NUBPL: variants seen among roughly 807,000 people sequenced by gnomAD.
NUBPL encodes NUBP iron-sulfur cluster assembly factor, mitochondrial, also known as iron-sulfur cluster transfer protein NUBPL.
A neutral mutation model predicts 45.7 loss-of-function variants in NUBPL; 31 were observed. The ratio of observed to expected loss-of-function variants is 0.68; its 90% CI spans 0.51 to 0.92. The LOEUF is 0.92. Ranked by LOEUF, NUBPL falls within the 40% of genes least tolerant of loss-of-function variation. The pLI is 0.00. For missense variants in NUBPL, 401 were observed against 398.7 expected (o/e 1.01, Z -0.05); for synonymous variants, 144 against 140.9 (o/e 1.02, Z -0.15).
At chr14:31,626,471 CATAT>C (rs1487363650) in intron 4 of NUBPL, among the ~76,000 whole-genome samples, 1 of 152,202 alleles carries the variant, frequency 6.6e-6, no homozygotes, top group Admixed American at 6.5e-5. Context: ...GCCTCACAGA[CATAT>C]AATCTCTGTA....
chr14:31,561,452 CA>C lies in NUBPL; in HGVS notation c.14del (p.Gln5ArgfsTer41). 7.1e-7 allele frequency: 1 copy of C among 1,415,698 alleles called. No homozygotes were observed. The highest frequency in any genetic ancestry group is 9.3e-7 in the Non-Finnish European group (1 of 1,074,858). The allele number at this position is 1,415,698 out of a possible 1,614,324, so 87.7% of individuals were successfully genotyped here. A position where few individuals can be genotyped will look rare whatever the true frequency, so the allele number is the denominator to read the frequency against. ...AGCGTTCCGCGTCATGGGGATTTGG[CA>C]GCGTCTGCTGCTTTTTGGTGGGGTG... is the stretch of plus-strand genomic sequence containing the variant. MGIW[Q>X]RLLLFGGVSL... On this transcript the variant is annotated frameshift_variant, in exon 1 of 11. Transcript: ENST00000281081. LOFTEE classifies it high-confidence loss of function.
At chr14:31,729,288 CA>C (rs35016391) in intron 6 of NUBPL, among the ~76,000 whole-genome samples, 52 of 132,784 alleles carry the variant, frequency 3.9e-4, no homozygotes, top group African/African-American at 7.8e-4. Flanking sequence ...CCCCCCCCCC[CA>C]AAAAAAAAGT....
At chr14:31,739,043 C>T (rs1166633518) in intron 6 of NUBPL, among the ~76,000 whole-genome samples, 2 of 151,116 alleles carry the variant, frequency 1.3e-5, no homozygotes, top group Non-Finnish European at 3.0e-5. Flanking sequence ...GATGGAGTCT[C>T]ATTCTTGTCA....
intron 4 of NUBPL, among the ~76,000 whole-genome samples, chr14:31,671,965 C>T (rs1278157184): frequency 2.0e-5 from 3 of 152,002 alleles, no homozygotes; most frequent in African/African-American, 7.3e-5. Context: ...ACTTTTTGCC[C>T]AATACTTGTC....
rs562838939 is a variant in NUBPL at position 31,584,375 on chromosome 14, T to G, written c.292-14914T>G. On this transcript the variant is annotated intron_variant, in intron 3 of 10. Coordinates refer to ENST00000281081, the MANE Select transcript of NUBPL (RefSeq NM_025152.3). ...CTTGGGCTCAAGTGATCCTCCCACC[T>G]TGGCCTCCCAAAGTGCTGGGATTAT... Among the ~76,000 whole-genome samples the G allele has an allele frequency of 2.0e-5, 3 of 152,286 alleles. No homozygotes were observed. The South Asian group carries it at 6.2e-4, about 32-fold the overall frequency.
intron 3 of NUBPL, among the ~76,000 whole-genome samples, chr14:31,570,983 T>A (rs898876832): frequency 6.6e-6 from 1 of 152,230 alleles, no homozygotes; most frequent in Non-Finnish European, 1.5e-5. Flanking sequence ...TTTGCTGATA[T>A]TCAATATCCT....
chr14:31,744,704 C>T (rs2038358270), intron 6 of NUBPL, among the ~76,000 whole-genome samples: 1 of 150,574 alleles, frequency 6.6e-6, no homozygotes, highest in Admixed American at 6.6e-5. Context: ...TCACTGCAAC[C>T]TCCGCCTCCT....
chr14:31,817,356 A>G (rs886545811), intron 7 of NUBPL, among the ~76,000 whole-genome samples: 1 of 152,144 alleles, frequency 6.6e-6, no homozygotes, highest in African/African-American at 2.4e-5. Flanking sequence ...TGAGAAGAGC[A>G]ACCCCAAGAC....
At chr14:31,704,727 TA>T (rs1240311147) in intron 6 of NUBPL, among the ~76,000 whole-genome samples, 1 of 152,166 alleles carries the variant, frequency 6.6e-6, no homozygotes, top group Admixed American at 6.5e-5. Flanking sequence ...TCTCACTTGT[TA>T]AAGATGTTGG....
At chr14:31,675,484 T>C (rs1405739571) in intron 6 of NUBPL, among the ~76,000 whole-genome samples, 2 of 152,374 alleles carry the variant, frequency 1.3e-5, no homozygotes, top group African/African-American at 4.8e-5. Context: ...ATAGAACTTT[T>C]GTACCTGATT....
chr14:31,648,245 A>G (rs768123798), intron 4 of NUBPL, among the ~76,000 whole-genome samples: 14 of 152,230 alleles, frequency 9.2e-5, no homozygotes, highest in Non-Finnish European at 1.5e-4. Context: ...CAGGCAATTA[A>G]AAGTTGTATT....
intron 8 of NUBPL, among the ~76,000 whole-genome samples, chr14:31,830,479 A>T (rs772162640): frequency 4.6e-5 from 7 of 152,178 alleles, no homozygotes; most frequent in Non-Finnish European, 1.0e-4. Context: ...AATTTTACAC[A>T]TCCTGGTCCT....
At chr14:31,588,384 T>G (rs909762802) in intron 3 of NUBPL, among the ~76,000 whole-genome samples, 2 of 151,116 alleles carry the variant, frequency 1.3e-5, no homozygotes, top group Non-Finnish European at 2.9e-5. Flanking sequence ...CTCTATAATC[T>G]TCACAAAAAT....
At chr14:31,581,450 T>C (rs1471253994) in intron 3 of NUBPL, among the ~76,000 whole-genome samples, 1 of 152,218 alleles carries the variant, frequency 6.6e-6, no homozygotes, top group Non-Finnish European at 1.5e-5. Flanking sequence ...TGAATTTGAC[T>C]GTTCCAACTC....
chr14:31,569,939 A>T (rs983644254), intron 3 of NUBPL, among the ~76,000 whole-genome samples: 3 of 152,122 alleles, frequency 2.0e-5, no homozygotes, highest in Admixed American at 2.0e-4. Context: ...TTTACGGCAA[A>T]AATTTGATGC....
intron 4 of NUBPL, among the ~76,000 whole-genome samples, chr14:31,630,257 C>T (rs542512281): frequency 6.6e-6 from 1 of 152,190 alleles, no homozygotes; most frequent in South Asian, 2.1e-4. Flanking sequence ...TGTACTATTA[C>T]CTTTGTGTTT....
chr14:31,849,797 G>T lies in NUBPL; in HGVS notation c.815-322G>T, dbSNP rs550070693. 3.9e-5 allele frequency among the ~76,000 whole-genome samples: 6 copies of T among 152,106 alleles called. No individual in the cohort carries two copies. The East Asian group carries it at 1.2e-3, about 30-fold the overall frequency. On this transcript the variant is annotated intron_variant, in intron 9 of 10. Transcript: ENST00000281081. ...TGATGTGTCTATATCAGATATTAAT[G>T]GGAGAAATCATTTGCAAATGTCTTC...
chr14:31,764,946 C>G (rs1209191146), intron 6 of NUBPL, among the ~76,000 whole-genome samples: 1 of 152,204 alleles, frequency 6.6e-6, no homozygotes, highest in Admixed American at 6.5e-5. Flanking sequence ...TTGCAATTCT[C>G]ATACATGTAT....
chr14:31,643,335 GT>G (rs550495231), intron 4 of NUBPL, among the ~76,000 whole-genome samples: 32 of 152,158 alleles, frequency 2.1e-4, no homozygotes, highest in African/African-American at 7.2e-4. Context: ...TCCATACCCA[GT>G]TTGTTGAGGA....
Sources: allele counts gnomAD v4.1 joint callset (sites outside exome capture counted in the v4.1 genomes callset), GRCh38; gene constraint gnomAD v4.1.1; transcripts MANE v1.5; gene names NCBI Gene and HGNC (gene_info 2026-07-23, HGNC 2026-07-21).